CYP4F8: variants seen among roughly 807,000 people sequenced by gnomAD.
CYP4F8 encodes the protein cytochrome P450 4F8.
CYP4F8 carries 56 observed loss-of-function variants against 55.0 expected under a neutral mutation model. That is an observed-to-expected ratio of 1.02 (90% confidence interval 0.82 to 1.27). The LOEUF (loss-of-function observed/expected upper bound fraction) is 1.27, where lower values mean the gene tolerates loss of function less well. Ranked by LOEUF, CYP4F8 falls within the 50% of genes most tolerant of loss-of-function variation. The probability of loss-of-function intolerance (pLI) is 0.00; values close to 1 mark genes in which losing one functional copy is unlikely to be tolerated. For missense variants in CYP4F8, 680 were observed against 682.4 expected (o/e 1.00, Z 0.04); for synonymous variants, 288 against 267.3 (o/e 1.08, Z -0.76).
chr19:15,628,265 T>C, intron 9 of CYP4F8, 37 bp from the exon 10 acceptor site: 1 of 1,613,520 alleles, frequency 6.2e-7, no homozygotes, highest in Non-Finnish European at 8.5e-7. Context: ...AGGAGGGCCG[T>C]GTATGCTCTC....
chr19:15,616,000 C>CTG (rs1568380794), intron 2 of CYP4F8, among the ~76,000 whole-genome samples, 186 bp downstream of exon 2: 27 of 74,962 alleles, frequency 3.6e-4, no homozygotes, highest in Non-Finnish European at 7.1e-4. Flanking sequence ...CACTCATTCT[C>CTG]CTCACTCACT....
Position 15,628,300 on chromosome 19 carries a change from A to C in CYP4F8, c.1116-2A>C. The C allele has an allele frequency of 6.2e-7, 1 of 1,613,942 alleles. No homozygotes were observed. The highest frequency in any genetic ancestry group is 8.5e-7 in the Non-Finnish European group (1 of 1,179,954). Reference sequence around the variant, plus strand: ...CTGGATAATTGTTGGGTGTTTCCTTAGGGACGACCTGGCCCAGTTGCCCTT... The same window carrying C: ...CTGGATAATTGTTGGGTGTTTCCTTCGGGACGACCTGGCCCAGTTGCCCTT... On this transcript the variant is annotated splice_acceptor_variant, in intron 9 of 12. Coordinates refer to ENST00000612078, the MANE Select transcript of CYP4F8 (RefSeq NM_007253.4). LOFTEE classifies it high-confidence loss of function.
At position 15,630,457 on chromosome 19, in the gene CYP4F8, G is replaced by A. The variant is rs984024853; in HGVS notation, c.*1099G>A. 4 of 152,124 alleles carry A rather than the reference G, an allele frequency of 2.6e-5. No individual in the cohort carries two copies. The highest frequency in any genetic ancestry group is 5.9e-5 in the Non-Finnish European group (4 of 68,030). 9.4% of individuals were successfully genotyped at this position (152,124 alleles called of 1,614,324 possible). On this transcript the variant is annotated 3_prime_UTR_variant, in exon 13 of 13. Transcript: ENST00000612078. Reference sequence around the variant, plus strand: ...CCTGCATTAGTTTGCTTAGGATAATGGCCCCCAGCTGCATCTATGTTGCTG... The same window carrying A: ...CCTGCATTAGTTTGCTTAGGATAATAGCCCCCAGCTGCATCTATGTTGCTG...
At chr19:15,622,546 A>C (rs1972208388) in intron 6 of CYP4F8, among the ~76,000 whole-genome samples, 1 of 152,160 alleles carries the variant, frequency 6.6e-6, no homozygotes, top group Non-Finnish European at 1.5e-5. Flanking sequence ...GGGTCAAGGC[A>C]AGGAGGCTAA....
At position 15,621,343 on chromosome 19, in the gene CYP4F8, T is replaced by A. The variant is rs1972191409; in HGVS notation, c.526-876T>A. 2.0e-5 allele frequency among the ~76,000 whole-genome samples: 3 copies of A among 152,116 alleles called. No individual in the cohort carries two copies. In the South Asian group the frequency reaches 6.2e-4, roughly 31 times the overall value. On this transcript the variant is annotated intron_variant, in intron 5 of 12. Coordinates refer to ENST00000612078, the MANE Select transcript of CYP4F8 (RefSeq NM_007253.4). ...GAGTTCGAGACCAGCCTGGCCAACA[T>A]GGCAAAACCCTGTCTCTACTAAAAA...
At chr19:15,617,948 C>T in intron 2 of CYP4F8, 52 bp from the exon 3 acceptor site, 1 of 1,595,664 alleles carries the variant, frequency 6.3e-7, no homozygotes, top group East Asian at 2.2e-5. Context: ...CTGGGCATCC[C>T]TTAACCCAGT....
intron 3 of CYP4F8, 56 bp downstream of exon 3, chr19:15,618,200 A>T (rs759007874): frequency 1.2e-5 from 19 of 1,612,412 alleles, no homozygotes; most frequent in Middle Eastern, 1.6e-4. Flanking sequence ...GGGCTTCTAG[A>T]TCTCATCCCC....
chr19:15,623,371 G>A lies in CYP4F8; in HGVS notation c.914G>A (p.Ser305Asn). ...GACTTTATTGATGTGCTCCTGCTGAGCGAGGTGGGCCTCTCTGGGATCTGA... is the reference window on the plus strand; with the variant it reads ...GACTTTATTGATGTGCTCCTGCTGAACGAGGTGGGCCTCTCTGGGATCTGA... Reference protein sequence around the residue: ...TLDFIDVLLLSEDKNGKELSD... With the variant: ...TLDFIDVLLLNEDKNGKELSD... The change falls in exon 7 of 13, where the codon AGC (serine) becomes AAC (asparagine). Residue 305 changes from serine (S) to asparagine (N), a missense_variant. Coordinates refer to ENST00000612078, the MANE Select transcript of CYP4F8 (RefSeq NM_007253.4). The A allele has an allele frequency of 6.2e-7, 1 of 1,613,266 alleles. No individual in the cohort carries two copies. Among genetic ancestry groups the A allele is most frequent in the Non-Finnish European group, 8.5e-7 (1 of 1,179,282 alleles).
At chr19:15,619,596 G>A in intron 4 of CYP4F8, 39 bp from the exon 5 acceptor site, 15 of 1,614,178 alleles carry the variant, frequency 9.3e-6, no homozygotes, top group Non-Finnish European at 1.2e-5. Context: ...GCCAGGGGAA[G>A]ATTCTGCCCT....
In CYP4F8 at chr19:15,628,791, A is replaced by C. The variant is rs1425459565; in HGVS notation, c.1345A>C (p.Asn449His). The stretch of plus-strand genomic sequence containing the variant: ...TGACCCCTTCCGCTTCGACCCAGAA[A>C]ACGCCCAGAAGAGGTCACCTATGGC... Reference protein sequence around the residue: ...VYDPFRFDPENAQKRSPMAFI... With the variant: ...VYDPFRFDPEHAQKRSPMAFI... The change falls in exon 12 of 13, where the codon AAC becomes CAC. Residue 449 changes from asparagine (N) to histidine (H), a missense_variant. Asn to His is a moderately conservative substitution (Grantham distance 68). Transcript: ENST00000612078. 1 of 1,610,692 alleles carries C rather than the reference A, an allele frequency of 6.2e-7. No homozygotes were observed. Among genetic ancestry groups the C allele is most frequent in the Non-Finnish European group, 8.5e-7 (1 of 1,178,788 alleles).
rs1440787468 is a variant in CYP4F8, at chr19:15,617,984, C to T, written c.199-16C>T. On this transcript the variant is annotated splice_polypyrimidine_tract_variant and intron_variant, in intron 2 of 12. Coordinates refer to ENST00000612078, the MANE Select transcript of CYP4F8 (RefSeq NM_007253.4). Reference sequence around the variant, plus strand: ...CAAGTGGACACAGGAGGTGATGGCCCTTGCCTTGCTTGCAGGTCACTCCCA... The same window carrying T: ...CAAGTGGACACAGGAGGTGATGGCCTTTGCCTTGCTTGCAGGTCACTCCCA... 4 of 1,612,070 alleles carry T rather than the reference C, an allele frequency of 2.5e-6. No homozygotes were observed. The highest frequency in any genetic ancestry group is 2.2e-5 in the South Asian group (2 of 90,826).
chr19:15,618,776 C>G, intron 3 of CYP4F8: 1 of 200,602 alleles, frequency 5.0e-6, no homozygotes, highest in South Asian at 8.9e-5. Context: ...TGGGTCGATT[C>G]CTTCTAATCC....
rs34110364 is a variant in CYP4F8, at chr19:15,625,330, G to GTA, written c.1115+1251_1115+1252dup. Among the ~76,000 whole-genome samples, 1,315 of 146,164 alleles carry GTA rather than the reference G, an allele frequency of 9.0e-3. 6 individuals carry two copies. The highest frequency in any genetic ancestry group is 0.014 in the Non-Finnish European group (948 of 66,644). ...CAAATTCACAAGAAACTATGTGTGT[G>GTA]TATATATATATATATAGTGTATATA... On this transcript the variant is annotated intron_variant, in intron 9 of 12. Transcript: ENST00000612078.
chr19:15,628,825 CTT>C lies in CYP4F8; in HGVS notation c.1381_1382del (p.Phe461LeufsTer85). On this transcript the variant is annotated frameshift_variant, in exon 12 of 13. Transcript: ENST00000612078. LOFTEE classifies it low-confidence loss of function (END_TRUNC). ...AAGAGGTCACCTATGGCTTTTATTC[CTT>C]TCTCGGCGGGGCCCAGGTGAGGCCA... The C allele has an allele frequency of 6.2e-7, 1 of 1,605,264 alleles. No homozygotes were observed. The highest frequency in any genetic ancestry group is 8.5e-7 in the Non-Finnish European group (1 of 1,176,284).
At chr19:15,629,171 G>T in intron 12 of CYP4F8, 22 bp from the exon 13 acceptor site, 1 of 1,581,562 alleles carries the variant, frequency 6.3e-7, no homozygotes, top group East Asian at 2.3e-5. Flanking sequence ...GGTGCAGTCA[G>T]ACCTTCCACC....
In CYP4F8 at chr19:15,629,222, C is replaced by T. The variant is rs758280195; in HGVS notation, c.1427C>T (p.Ala476Val). 1 of 1,612,194 alleles carries T rather than the reference C, an allele frequency of 6.2e-7. No individual in the cohort carries two copies. Among genetic ancestry groups the T allele is most frequent in the East Asian group, 2.2e-5 (1 of 44,824 alleles). The change falls in exon 13 of 13, where the codon GCA (alanine) becomes GTA (valine). Residue 476 changes from alanine (A) to valine (V), a missense_variant. By Grantham distance (64) the Ala-to-Val change is moderately conservative. Transcript: ENST00000612078. ...RNCIGQKFAM[A>V]EMKVVLALTL... is the part of the protein sequence containing the mutation. Reference sequence around the variant, plus strand: ...TGCATCGGGCAGAAGTTCGCGATGGCAGAGATGAAGGTGGTCCTGGCGCTC... The same window carrying T: ...TGCATCGGGCAGAAGTTCGCGATGGTAGAGATGAAGGTGGTCCTGGCGCTC...
intron 2 of CYP4F8, among the ~76,000 whole-genome samples, chr19:15,616,174 A>C: frequency 3.8e-5 from 4 of 106,360 alleles, no homozygotes; most frequent in African/African-American, 1.1e-4. Flanking sequence ...TCCTCTTCCC[A>C]CTCACTCATT....
In CYP4F8 at chr19:15,628,576, C is replaced by A; in HGVS notation, c.1295C>A (p.Ser432Ter). The A allele has an allele frequency of 6.2e-7, 1 of 1,613,918 alleles. No homozygotes were observed. Among genetic ancestry groups the A allele is most frequent in the Non-Finnish European group, 8.5e-7 (1 of 1,179,844 alleles). Reference protein sequence around the residue: ...INIFAIHHNPSVWPDPEVYDP... With the variant: ...INIFAIHHNP ...ATCTTCGCAATCCATCACAACCCCT[C>A]AGTCTGGCCAGACCCTGAGGTGCTG... Residue 432 changes from serine to a stop codon, truncating the protein, a stop_gained, in exon 11 of 13, where the codon TCA (serine) becomes TAA (stop). Transcript: ENST00000612078. LOFTEE classifies it high-confidence loss of function.
At position 15,628,851 on chromosome 19, in the gene CYP4F8, C is replaced by T. The variant is rs115366032; in HGVS notation, c.1397+8C>T. The T allele has an allele frequency of 4.9e-3, 7,710 of 1,584,292 alleles. 93 individuals are homozygous for T. The highest frequency in any genetic ancestry group is 0.043 in the African/African-American group (3,185 of 73,538). ...TTTCTCGGCGGGGCCCAGGTGAGGCCAGGGGGTGTCTGAGGTGGGCATGGG... is the reference window on the plus strand; with the variant it reads ...TTTCTCGGCGGGGCCCAGGTGAGGCTAGGGGGTGTCTGAGGTGGGCATGGG... On this transcript the variant is annotated splice_region_variant and intron_variant, in intron 12 of 12. Transcript: ENST00000612078.
Sources: gnomAD v4.1 joint callset for allele counts (sites outside exome capture counted in the v4.1 genomes callset) on GRCh38, gnomAD v4.1.1 for gene constraint, MANE v1.5 for transcripts, NCBI Gene and HGNC (gene_info 2026-07-23, HGNC 2026-07-21) for gene names.